Variants in CGNL1 observed in about 807,000 individuals in gnomAD.
CGNL1 encodes the protein cingulin-like protein 1.
Under a neutral mutation model 141.2 loss-of-function variants are expected in CGNL1, and 132 were observed. The ratio of observed to expected loss-of-function variants is 0.93; its 90% CI spans 0.81 to 1.08. CGNL1 has a LOEUF of 1.08. Among genes scored for constraint, CGNL1 ranks in the 50% least tolerant of loss-of-function variants. CGNL1 has a pLI of 0.00. For missense variants in CGNL1, 1,870 were observed against 1,588.6 expected (o/e 1.18, Z -3.01); for synonymous variants, 690 against 622.1 (o/e 1.11, Z -1.63).
At chr15:57,540,701 C>T (rs1036147336) in intron 14 of CGNL1, among the ~76,000 whole-genome samples, 2 of 152,204 alleles carry the variant, frequency 1.3e-5, no homozygotes, top group Admixed American at 1.3e-4. Context: ...ACTGTCCTTT[C>T]CTGTCATAGT....
Position 57,461,824 on chromosome 15 carries a change from G to T in CGNL1, c.2335G>T (p.Asp779Tyr). Reference protein sequence around the residue: ...EEVSSHDQEMDKLKEQYDAEL... With the variant: ...EEVSSHDQEMYKLKEQYDAEL... ...GGTTTCCAGCCATGATCAGGAGATG[G>T]ACAAGCTGAAGGAGCAATATGATGC... Residue 779 changes from aspartate (D) to tyrosine (Y), a missense_variant, in exon 8 of 19, where the codon GAC (aspartate) becomes TAC (tyrosine). Physicochemically the swap from Asp to Tyr is radical, Grantham distance 160. Transcript: ENST00000281282. 1 of 1,614,072 alleles carries T rather than the reference G, an allele frequency of 6.2e-7. No individual in the cohort carries two copies. The highest frequency in any genetic ancestry group is 1.1e-5 in the South Asian group (1 of 91,076).
intron 8 of CGNL1, among the ~76,000 whole-genome samples, chr15:57,496,266 T>A (rs1268763745): frequency 6.6e-6 from 1 of 152,210 alleles, no homozygotes; most frequent in Admixed American, 6.5e-5. Flanking sequence ...CAGAATTACC[T>A]ATTGAGAAGA....
At chr15:57,427,306 G>A (rs529179945) in intron 1 of CGNL1, among the ~76,000 whole-genome samples, 1 of 152,312 alleles carries the variant, frequency 6.6e-6, no homozygotes, top group South Asian at 2.1e-4. Flanking sequence ...CCTACACAGT[G>A]TTATCTTCCA....
At chr15:57,434,836 G>C (rs1269489088) in intron 1 of CGNL1, among the ~76,000 whole-genome samples, 3 of 152,144 alleles carry the variant, frequency 2.0e-5, no homozygotes, top group Non-Finnish European at 4.4e-5. Flanking sequence ...AAAATACAAG[G>C]AGTCAAATTT....
At chr15:57,383,372 C>T (rs756030908) in intron 1 of CGNL1, among the ~76,000 whole-genome samples, 78 of 149,070 alleles carry the variant, frequency 5.2e-4, no homozygotes, top group Non-Finnish European at 7.4e-4. Flanking sequence ...AATCTCAGCT[C>T]ACCACAACCT....
At chr15:57,437,231 T>C (rs1567115061) in intron 1 of CGNL1, among the ~76,000 whole-genome samples, 1 of 152,198 alleles carries the variant, frequency 6.6e-6, no homozygotes, top group Non-Finnish European at 1.5e-5. Flanking sequence ...CACAGAGCCC[T>C]GAGTGTTCTT....
At chr15:57,398,254 C>T (rs931053514) in intron 1 of CGNL1, 1 of 152,090 alleles carries the variant, frequency 6.6e-6, no homozygotes, top group Non-Finnish European at 1.5e-5. Context: ...CTTTTTTCCC[C>T]TCTGCTTTTA....
intron 8 of CGNL1, among the ~76,000 whole-genome samples, chr15:57,467,173 T>G (rs1237517568): frequency 9.2e-5 from 14 of 152,316 alleles, no homozygotes; most frequent in Non-Finnish European, 4.4e-5. Flanking sequence ...GAATTTACCC[T>G]TCCAGGAGAT....
rs1255993893 is a variant in CGNL1, at chr15:57,548,909, G to GAT, written c.*1420_*1421dup. 6.6e-6 allele frequency: 1 copy of GAT among 152,592 alleles called. No homozygotes were observed. Among genetic ancestry groups the GAT allele is most frequent in the African/African-American group, 2.4e-5 (1 of 41,456 alleles). 9.5% of individuals were successfully genotyped at this position (152,592 alleles called of 1,614,324 possible). ...ACAGAGAAGTTCTTGAAAGCTGGGGGATGTGTGGGCAAGAGGTGGATTGAG... is the reference window on the plus strand; with the variant it reads ...ACAGAGAAGTTCTTGAAAGCTGGGGGATATGTGTGGGCAAGAGGTGGATTGAG... On this transcript the variant is annotated 3_prime_UTR_variant, in exon 19 of 19. Transcript: ENST00000281282.
chr15:57,403,067 C>A (rs2062677614), intron 1 of CGNL1, among the ~76,000 whole-genome samples: 1 of 152,210 alleles, frequency 6.6e-6, no homozygotes, highest in South Asian at 2.1e-4. Context: ...GAATCCTTTG[C>A]TATCATTTGG....
intron 8 of CGNL1, among the ~76,000 whole-genome samples, chr15:57,476,075 C>T (rs1473351158): frequency 6.6e-6 from 1 of 152,138 alleles, no homozygotes; most frequent in Non-Finnish European, 1.5e-5. Flanking sequence ...GACAAGGTGG[C>T]CTCTGCTCTC....
At chr15:57,403,005 C>T (rs372201202) in intron 1 of CGNL1, among the ~76,000 whole-genome samples, 24 of 152,284 alleles carry the variant, frequency 1.6e-4, no homozygotes, top group Admixed American at 1.3e-3. Flanking sequence ...TTCTGAATCT[C>T]CTAGAGAAAC....
At position 57,503,989 on chromosome 15, in the gene CGNL1, C is replaced by A. The variant is rs181733655; in HGVS notation, c.2404-12791C>A. Among the ~76,000 whole-genome samples the A allele has an allele frequency of 7.4e-4, 113 of 152,254 alleles. 1 individual carries two copies. Among genetic ancestry groups the A allele is most frequent in the African/African-American group, 2.4e-3 (101 of 41,546 alleles). On this transcript the variant is annotated intron_variant, in intron 8 of 18. Transcript: ENST00000281282. ...GGTATGGGTATTCACGGTTATTGAG[C>A]AGCTGCCCCCTGTGCCCTGCGTGGC...
intron 3 of CGNL1, among the ~76,000 whole-genome samples, 192 bp downstream of exon 3, chr15:57,440,663 G>C (rs1478200671): frequency 6.6e-6 from 1 of 152,108 alleles, no homozygotes; most frequent in Non-Finnish European, 1.5e-5. Context: ...TTTGGGAGGG[G>C]TGTGTAGGAA....
intron 1 of CGNL1, among the ~76,000 whole-genome samples, chr15:57,390,465 G>A (rs888841738): frequency 3.9e-5 from 6 of 152,228 alleles, no homozygotes; most frequent in Non-Finnish European, 7.3e-5. Context: ...GCAGGGTGAG[G>A]AAGTATACCT....
intron 8 of CGNL1, among the ~76,000 whole-genome samples, chr15:57,469,187 C>A (rs527660016): frequency 6.6e-6 from 1 of 151,692 alleles, no homozygotes; most frequent in South Asian, 2.1e-4. Context: ...ACTGAGGAGA[C>A]CCCGCAGGGA....
At chr15:57,507,118 T>C (rs2064114060) in intron 8 of CGNL1, among the ~76,000 whole-genome samples, 1 of 152,238 alleles carries the variant, frequency 6.6e-6, no homozygotes, top group Non-Finnish European at 1.5e-5. Flanking sequence ...CTAGTCTACT[T>C]TCTGTCTGTA....
chr15:57,416,756 G>A (rs536406316), intron 1 of CGNL1, among the ~76,000 whole-genome samples: 6 of 152,230 alleles, frequency 3.9e-5, no homozygotes, highest in South Asian at 2.1e-4. Context: ...TCCTCTACAG[G>A]TGGTCCCCAA....
intron 1 of CGNL1, among the ~76,000 whole-genome samples, chr15:57,413,400 C>CT (rs139587858): frequency 1.4e-4 from 21 of 152,268 alleles, no homozygotes; most frequent in African/African-American, 4.8e-4. Flanking sequence ...GCTCAGCCTC[C>CT]TGAGTAGCTG....
Sources: gnomAD v4.1 joint callset for allele counts (sites outside exome capture counted in the v4.1 genomes callset) on GRCh38, gnomAD v4.1.1 for gene constraint, MANE v1.5 for transcripts, NCBI Gene and HGNC (gene_info 2026-07-23, HGNC 2026-07-21) for gene names.